The following SNX6 variants were observed in gnomAD, a reference collection of about 807,000 sequenced individuals.
SNX6 encodes the protein sorting nexin 6.
In SNX6, 34 loss-of-function variants were observed where a neutral mutation model predicts 63.0. The observed-to-expected ratio is 0.54, with a 90% CI of 0.41 to 0.72. The LOEUF is 0.72. SNX6 is among the 30% of genes least tolerant of loss of function. SNX6 has a pLI of 0.00. For missense variants in SNX6, 398 were observed against 471.4 expected, an observed-to-expected ratio of 0.84 and a Z score of 1.44; for synonymous variants, 170 against 164.2, an observed-to-expected ratio of 1.04 and a Z score of -0.27.
intron 13 of SNX6, among the ~76,000 whole-genome samples, chr14:34,566,648 A>T (rs1881195122): frequency 6.6e-6 from 1 of 151,816 alleles, no homozygotes; most frequent in South Asian, 2.1e-4. Flanking sequence ...TTTTTACTTT[A>T]ATTAAATAAT....
chr14:34,629,385 T>A (rs1292899444), intron 2 of SNX6: 1 of 434,976 alleles, frequency 2.3e-6, no homozygotes, highest in Non-Finnish European at 4.7e-6. Context: ...CTTTGCATAA[T>A]CTAGTAGGGC....
Position 34,617,019 on chromosome 14 carries a change from C to G in SNX6, c.55-7277G>C, listed in dbSNP as rs188225727. 1.6e-3 allele frequency among the ~76,000 whole-genome samples: 242 copies of G among 152,130 alleles called. 1 individual carries two copies. The highest frequency in any genetic ancestry group is 5.2e-3 in the African/African-American group (214 of 41,512). ...ATTGCTTGAATCCAGGAGGCGGAGG[C>G]TGCAGTGAGCCGAGATCGCACCACT... is the stretch of plus-strand genomic sequence containing the variant. On this transcript the variant is annotated intron_variant, in intron 2 of 13. Coordinates refer to ENST00000362031, the MANE Select transcript of SNX6 (RefSeq NM_152233.4).
chr14:34,591,107 T>C (rs769243178), intron 8 of SNX6, among the ~76,000 whole-genome samples: 3 of 152,004 alleles, frequency 2.0e-5, no homozygotes, highest in African/African-American at 4.8e-5. Context: ...AAGAAAACTT[T>C]GGGGGTGATG....
intron 2 of SNX6, among the ~76,000 whole-genome samples, chr14:34,621,556 C>T (rs1199346708): frequency 6.6e-6 from 1 of 152,198 alleles, no homozygotes; most frequent in Admixed American, 6.5e-5. Context: ...TGAAGAGACA[C>T]AATCCTCAGC....
At chr14:34,580,339 G>A (rs540581381) in intron 10 of SNX6, among the ~76,000 whole-genome samples, 1 of 152,270 alleles carries the variant, frequency 6.6e-6, no homozygotes, top group South Asian at 2.1e-4. Context: ...CAGGGTCTCT[G>A]TCACCCAGGC....
At chr14:34,569,570 G>C (rs1441001254) in intron 11 of SNX6, among the ~76,000 whole-genome samples, 1 of 152,146 alleles carries the variant, frequency 6.6e-6, no homozygotes, top group East Asian at 1.9e-4. Flanking sequence ...GGGACTACAG[G>C]CGTGTGCCAC....
At chr14:34,575,196 A>ATT (rs34881787) in intron 11 of SNX6, among the ~76,000 whole-genome samples, 2 of 111,022 alleles carry the variant, frequency 1.8e-5, no homozygotes, top group Non-Finnish European at 3.8e-5. Context: ...CCTGGCCTCA[A>ATT]TTTTTTTTTT....
intron 9 of SNX6, among the ~76,000 whole-genome samples, chr14:34,583,513 A>C (rs1440109023): frequency 1.3e-5 from 2 of 150,284 alleles, no homozygotes; most frequent in East Asian, 3.9e-4. Context: ...GCTACCCAGG[A>C]GGCTGAAGCA....
chr14:34,630,072 A>C, intron 1 of SNX6, 39 bp downstream of exon 1: 4 of 1,455,912 alleles, frequency 2.7e-6, no homozygotes, highest in Non-Finnish European at 3.6e-6. Flanking sequence ...CGCTGCCCCC[A>C]CCGCGCTCCC....
intron 10 of SNX6, 86 bp from the exon 11 acceptor site, chr14:34,575,928 T>TG: frequency 1.3e-6 from 1 of 765,258 alleles, no homozygotes; most frequent in Non-Finnish European, 2.0e-6. Flanking sequence ...TGTTGTTTTT[T>TG]TGTTTTTTTT....
intron 13 of SNX6, among the ~76,000 whole-genome samples, chr14:34,565,375 C>G (rs1881131655): frequency 6.6e-6 from 1 of 151,802 alleles, no homozygotes; most frequent in Non-Finnish European, 1.5e-5. Context: ...CCGCGCCCGG[C>G]TGACATATTC....
chr14:34,567,094 C>T (rs901229968), intron 13 of SNX6, among the ~76,000 whole-genome samples: 4 of 148,404 alleles, frequency 2.7e-5, no homozygotes, highest in Non-Finnish European at 4.5e-5. Context: ...TGTGGTGGCA[C>T]GCACCTGTAG....
chr14:34,618,572 A>T (rs1883511219), intron 2 of SNX6, among the ~76,000 whole-genome samples: 1 of 152,062 alleles, frequency 6.6e-6, no homozygotes, highest in Non-Finnish European at 1.5e-5. Flanking sequence ...GCTGGTCTCG[A>T]ACTCCCAACC....
chr14:34,573,570 G>A (rs1339332025), intron 11 of SNX6, among the ~76,000 whole-genome samples: 1 of 150,476 alleles, frequency 6.6e-6, no homozygotes, highest in East Asian at 1.9e-4. Context: ...GCGAGACTCT[G>A]CCTTAAAAAA....
chr14:34,567,059 A>C (rs1396920592), intron 13 of SNX6, among the ~76,000 whole-genome samples: 4 of 151,768 alleles, frequency 2.6e-5, no homozygotes, highest in Non-Finnish European at 4.4e-5. Flanking sequence ...CCCTGTCTCT[A>C]CTAAAAATAC....
chr14:34,571,931 A>G (rs557748596), intron 11 of SNX6, among the ~76,000 whole-genome samples: 8 of 152,238 alleles, frequency 5.3e-5, no homozygotes, highest in Middle Eastern at 3.4e-3. Context: ...GCCTCCAGAA[A>G]TCCTTCTGGC....
chr14:34,616,913 A>T (rs1179655394), intron 2 of SNX6, among the ~76,000 whole-genome samples: 1 of 151,966 alleles, frequency 6.6e-6, no homozygotes, highest in East Asian at 1.9e-4. Context: ...TCTACTAAAA[A>T]TATAAAAAAG....
intron 2 of SNX6, among the ~76,000 whole-genome samples, chr14:34,612,285 C>A (rs1045114643): frequency 6.6e-6 from 1 of 151,988 alleles, no homozygotes; most frequent in Non-Finnish European, 1.5e-5. Flanking sequence ...AACAATGGCT[C>A]CCCAGGAGGT....
intron 11 of SNX6, among the ~76,000 whole-genome samples, chr14:34,568,325 G>A (rs148223088): frequency 0.011 from 1,667 of 151,492 alleles, 19 homozygotes; most frequent in African/African-American, 0.037. Context: ...CCACCTCGCA[G>A]ATTCAAGCAA....
Sources: allele counts gnomAD v4.1 joint callset (sites outside exome capture counted in the v4.1 genomes callset), GRCh38; gene constraint gnomAD v4.1.1; transcripts MANE v1.5; gene names NCBI Gene and HGNC (gene_info 2026-07-23, HGNC 2026-07-21).